Variants in GRIN2A observed in about 807,000 individuals in gnomAD.
GRIN2A encodes the protein glutamate ionotropic receptor NMDA type subunit 2A.
Under a neutral mutation model 113.4 loss-of-function variants are expected in GRIN2A, and 22 were observed. That is an observed-to-expected ratio of 0.19 (90% CI 0.14 to 0.28). The LOEUF is 0.28. GRIN2A is among the 10% of genes least tolerant of loss of function. The pLI, the probability that GRIN2A is intolerant of heterozygous loss-of-function variation, is 1.00. For synonymous variants in GRIN2A, 827 were observed against 738.4 expected, an observed-to-expected ratio of 1.12 and a Z score of -1.94; for missense variants, 1,502 against 1,887.0, an observed-to-expected ratio of 0.80 and a Z score of 3.78.
chr16:9,996,504 A>G (rs1335245754), intron 2 of GRIN2A, among the ~76,000 whole-genome samples: 1 of 152,218 alleles, frequency 6.6e-6, no homozygotes, highest in Non-Finnish European at 1.5e-5. Flanking sequence ...TAATTGCCTG[A>G]GGCCAGAGTG....
chr16:9,938,516 G>C lies in GRIN2A; in HGVS notation c.450C>G (p.Ser150=). ...GCATGACCGTGGCTTGCTGCTGGAT[G>C]GACGCTCCAAACTGGAAGAAGGTAG... The part of the protein sequence containing the change: ...PTSTFFQFGA[S]IQQQATVMLK... The change falls in exon 3 of 13, where the codon TCC becomes TCG. Residue 150 remains serine, a synonymous_variant. Coordinates refer to ENST00000330684, the MANE Select transcript of GRIN2A (RefSeq NM_001134407.3). 1 of 1,609,064 alleles carries C rather than the reference G, an allele frequency of 6.2e-7. No individual in the cohort carries two copies. Among genetic ancestry groups the C allele is most frequent in the Non-Finnish European group, 8.5e-7 (1 of 1,179,924 alleles).
At chr16:10,130,401 C>G (rs1241549394) in intron 2 of GRIN2A, among the ~76,000 whole-genome samples, 1 of 152,190 alleles carries the variant, frequency 6.6e-6, no homozygotes, top group African/African-American at 2.4e-5. Flanking sequence ...TCGAGCTGAG[C>G]AGATCTTTGG....
chr16:10,009,700 T>C (rs967837157), intron 2 of GRIN2A, among the ~76,000 whole-genome samples: 2 of 152,036 alleles, frequency 1.3e-5, no homozygotes, highest in South Asian at 4.2e-4. Flanking sequence ...AAACTAAGCC[T>C]TCCCTTTATC....
intron 3 of GRIN2A, among the ~76,000 whole-genome samples, chr16:9,901,461 T>C (rs1249466599): frequency 6.6e-6 from 1 of 152,178 alleles, no homozygotes; most frequent in Non-Finnish European, 1.5e-5. Context: ...GGAAAATACA[T>C]ATTATATATA....
intron 2 of GRIN2A, among the ~76,000 whole-genome samples, chr16:10,062,822 G>A (rs1366148072): frequency 2.0e-5 from 3 of 151,478 alleles, no homozygotes; most frequent in African/African-American, 7.3e-5. Flanking sequence ...CAGAGATTGT[G>A]CCACTGCACT....
At chr16:9,887,907 A>G (rs2043616261) in intron 4 of GRIN2A, among the ~76,000 whole-genome samples, 1 of 152,120 alleles carries the variant, frequency 6.6e-6, no homozygotes, top group Non-Finnish European at 1.5e-5. Flanking sequence ...AAATATAAAA[A>G]ATTAGCCTCT....
intron 2 of GRIN2A, among the ~76,000 whole-genome samples, chr16:10,006,582 G>T (rs904310996): frequency 3.9e-5 from 6 of 152,108 alleles, no homozygotes; most frequent in Non-Finnish European, 8.8e-5. Flanking sequence ...TCGCATCAGG[G>T]TAAAATGAGG....
At chr16:10,092,283 A>G (rs1331656395) in intron 2 of GRIN2A, among the ~76,000 whole-genome samples, 1 of 152,210 alleles carries the variant, frequency 6.6e-6, no homozygotes, top group Non-Finnish European at 1.5e-5. Context: ...TTTCTGTTCT[A>G]GAAAAGGAGT....
At chr16:10,068,427 G>A (rs140290535) in intron 2 of GRIN2A, among the ~76,000 whole-genome samples, 1 of 152,190 alleles carries the variant, frequency 6.6e-6, no homozygotes, top group Non-Finnish European at 1.5e-5. Context: ...AGGTGAAGGG[G>A]GAGCAGGCAC....
chr16:10,039,987 T>TACACACCATCCACACCAC (rs1476414163), intron 2 of GRIN2A, among the ~76,000 whole-genome samples: 3 of 16 alleles, frequency 0.19, no homozygotes, highest in Non-Finnish European at 0.5. Context: ...ACCTCCACAC[T>TACACACCATCCACACCAC]GCACAAATAC....
intron 7 of GRIN2A, among the ~76,000 whole-genome samples, chr16:9,836,156 G>A (rs1488213686): frequency 6.6e-6 from 1 of 152,184 alleles, no homozygotes; most frequent in Admixed American, 6.5e-5. Context: ...TCCGAGTTGC[G>A]TAGTGTGTCT....
intron 5 of GRIN2A, among the ~76,000 whole-genome samples, chr16:9,842,725 T>C (rs373361888): frequency 2.0e-4 from 31 of 152,254 alleles, no homozygotes; most frequent in African/African-American, 6.5e-4. Flanking sequence ...TCCCCTGAGG[T>C]TGGGAGTTTG....
intron 10 of GRIN2A, among the ~76,000 whole-genome samples, chr16:9,812,370 A>G (rs1416661698): frequency 1.3e-5 from 2 of 152,156 alleles, no homozygotes; most frequent in Admixed American, 6.5e-5. Flanking sequence ...CGGTCACGGT[A>G]ACTCACGCCT....
intron 2 of GRIN2A, among the ~76,000 whole-genome samples, chr16:10,087,357 C>T (rs2142071821): frequency 6.6e-6 from 1 of 152,364 alleles, no homozygotes; most frequent in East Asian, 1.9e-4. Context: ...GGCTGGGAGC[C>T]AGCGGAATGT....
chr16:10,167,171 G>C (rs2049942237), intron 2 of GRIN2A, among the ~76,000 whole-genome samples: 1 of 152,114 alleles, frequency 6.6e-6, no homozygotes, highest in African/African-American at 2.4e-5. Context: ...GTCTATGAAA[G>C]GGTTTCAGAG....
chr16:9,756,679 A>C lies in GRIN2A; in HGVS notation c.*6470T>G, dbSNP rs1418438711. Reference sequence around the variant, plus strand: ...AAGGTTGTTTTGAGGATCACATTCTAGGATATGCCTAGAATATCGCCTACA... The same window carrying C: ...AAGGTTGTTTTGAGGATCACATTCTCGGATATGCCTAGAATATCGCCTACA... On this transcript the variant is annotated 3_prime_UTR_variant, in exon 13 of 13. Coordinates refer to ENST00000330684, the MANE Select transcript of GRIN2A (RefSeq NM_001134407.3). The C allele has an allele frequency of 5.3e-6, 1 of 189,682 alleles. No individual in the cohort carries two copies. Among genetic ancestry groups the C allele is most frequent in the Non-Finnish European group, 1.1e-5 (1 of 90,316 alleles). 11.7% of individuals were successfully genotyped at this position (189,682 alleles called of 1,614,324 possible).
chr16:10,164,574 A>G (rs2049872067), intron 2 of GRIN2A, among the ~76,000 whole-genome samples: 1 of 152,222 alleles, frequency 6.6e-6, no homozygotes, highest in African/African-American at 2.4e-5. Flanking sequence ...AATTTTACAT[A>G]TTAAAGCAAT....
chr16:9,881,580 C>A (rs568457000), intron 4 of GRIN2A, among the ~76,000 whole-genome samples: 13 of 152,262 alleles, frequency 8.5e-5, no homozygotes, highest in African/African-American at 2.9e-4. Flanking sequence ...AGGAACTACA[C>A]GTATAAAAAG....
chr16:9,910,990 C>T (rs961654917), intron 3 of GRIN2A, among the ~76,000 whole-genome samples: 1 of 151,766 alleles, frequency 6.6e-6, no homozygotes, highest in Non-Finnish European at 1.5e-5. Flanking sequence ...TATAGATACA[C>T]ATTTTAGAAA....
Sources: gnomAD v4.1 joint callset for allele counts (sites outside exome capture counted in the v4.1 genomes callset) on GRCh38, gnomAD v4.1.1 for gene constraint, MANE v1.5 for transcripts, NCBI Gene and HGNC (gene_info 2026-07-23, HGNC 2026-07-21) for gene names.